Variants in SLC24A2 observed in about 807,000 individuals in gnomAD.
SLC24A2 encodes sodium/potassium/calcium exchanger 2.
SLC24A2 carries 36 observed loss-of-function variants against 62.0 expected under a neutral mutation model. The observed-to-expected ratio is 0.58, with a 90% CI of 0.44 to 0.77. SLC24A2 has a LOEUF of 0.77. SLC24A2 is among the 30% of genes least tolerant of loss of function. The pLI is 0.00. For missense variants in SLC24A2, 846 were observed against 817.9 expected, an observed-to-expected ratio of 1.03 and a Z score of -0.42; for synonymous variants, 358 against 294.0, an observed-to-expected ratio of 1.22 and a Z score of -2.23.
chr9:20,009,367 A>T, the SLC24A2 span, among the ~76,000 whole-genome samples: 3 of 147,352 alleles, frequency 2.0e-5, no homozygotes, highest in Non-Finnish European at 4.4e-5. Flanking sequence ...CCTGGGTGAC[A>T]GACTGAACTC....
intron 9 of SLC24A2, among the ~76,000 whole-genome samples, chr9:19,525,489 C>T (rs1833404345): frequency 6.9e-6 from 1 of 145,666 alleles, no homozygotes. Context: ...TTGCAGCCTT[C>T]ACCTCCTGGG....
chr9:20,263,436 A>T, the SLC24A2 span, among the ~76,000 whole-genome samples: 1 of 152,036 alleles, frequency 6.6e-6, no homozygotes, highest in South Asian at 2.1e-4. Context: ...TTTTGTAGAG[A>T]CTGGGTCTTA....
At chr9:20,175,875 G>C in the SLC24A2 span, among the ~76,000 whole-genome samples, 1 of 152,054 alleles carries the variant, frequency 6.6e-6, no homozygotes, top group Non-Finnish European at 1.5e-5. Context: ...ATGGAGGGAT[G>C]AATTAATTAG....
the SLC24A2 span, among the ~76,000 whole-genome samples, chr9:20,229,058 T>C: frequency 1.3e-5 from 2 of 152,168 alleles, no homozygotes; most frequent in Non-Finnish European, 2.9e-5. Flanking sequence ...ATTTCTCTTT[T>C]GCTGCCTTGT....
chr9:20,250,787 T>C, the SLC24A2 span, among the ~76,000 whole-genome samples: 4 of 152,186 alleles, frequency 2.6e-5, no homozygotes, highest in East Asian at 7.7e-4. Flanking sequence ...TTCCCAATTA[T>C]TTAATACTAT....
chr9:20,266,058 G>A, the SLC24A2 span, among the ~76,000 whole-genome samples: 34 of 152,240 alleles, frequency 2.2e-4, no homozygotes, highest in African/African-American at 7.2e-4. Context: ...ATGACAATGC[G>A]TGCCCGAAAC....
At chr9:19,520,522 C>T (rs897661274) in intron 10 of SLC24A2, among the ~76,000 whole-genome samples, 23 of 152,186 alleles carry the variant, frequency 1.5e-4, no homozygotes, top group Admixed American at 3.9e-4. Context: ...AAATCCAAAT[C>T]TCACCTTAGG....
chr9:20,155,607 A>T, the SLC24A2 span, among the ~76,000 whole-genome samples: 6 of 151,852 alleles, frequency 4.0e-5, no homozygotes, highest in Admixed American at 2.6e-4. Flanking sequence ...TAAACATTTT[A>T]AAAATCATAC....
At chr9:20,223,877 G>A in the SLC24A2 span, among the ~76,000 whole-genome samples, 4 of 152,050 alleles carry the variant, frequency 2.6e-5, no homozygotes, top group South Asian at 4.1e-4. Flanking sequence ...GAAGCTTAAC[G>A]GATTTACAGT....
At chr9:19,959,791 G>C in the SLC24A2 span, among the ~76,000 whole-genome samples, 1 of 152,102 alleles carries the variant, frequency 6.6e-6, no homozygotes, top group East Asian at 1.9e-4. Flanking sequence ...TACTGTGCTG[G>C]GTAGTGTGTT....
At chr9:20,275,726 A>G in the SLC24A2 span, among the ~76,000 whole-genome samples, 2 of 152,196 alleles carry the variant, frequency 1.3e-5, no homozygotes, top group African/African-American at 4.8e-5. Flanking sequence ...GAAATGCCCA[A>G]GACTGGGTAA....
intron 7 of SLC24A2, among the ~76,000 whole-genome samples, chr9:19,566,106 T>C (rs1295078150): frequency 2.0e-5 from 3 of 152,088 alleles, no homozygotes; most frequent in Non-Finnish European, 4.4e-5. Flanking sequence ...GAAGTCAAAA[T>C]TGACAAATGG....
chr9:20,020,166 T>C, the SLC24A2 span, among the ~76,000 whole-genome samples: 4 of 152,224 alleles, frequency 2.6e-5, no homozygotes, highest in South Asian at 4.1e-4. Context: ...AGTGTGGCTA[T>C]TCCTCAAGGA....
the SLC24A2 span, among the ~76,000 whole-genome samples, chr9:19,970,297 G>A: frequency 1.3e-5 from 2 of 152,192 alleles, no homozygotes; most frequent in African/African-American, 4.8e-5. Context: ...TTAACTGATA[G>A]CAGGGGGAGT....
the SLC24A2 span, among the ~76,000 whole-genome samples, chr9:19,955,985 T>C: frequency 7.0e-4 from 106 of 152,364 alleles, no homozygotes; most frequent in Middle Eastern, 0.01. Context: ...GTGTTTGCTC[T>C]GTGTAATGCA....
At chr9:20,127,338 T>A in the SLC24A2 span, among the ~76,000 whole-genome samples, 1 of 152,194 alleles carries the variant, frequency 6.6e-6, no homozygotes. Flanking sequence ...AACTTTAGTT[T>A]AACCTTTTCT....
the SLC24A2 span, among the ~76,000 whole-genome samples, chr9:20,046,748 G>C: frequency 6.6e-6 from 1 of 152,102 alleles, no homozygotes; most frequent in African/African-American, 2.4e-5. Context: ...TTTCACAGTG[G>C]CCCTTACTCA....
chr9:20,037,104 G>T, the SLC24A2 span, among the ~76,000 whole-genome samples: 41 of 152,010 alleles, frequency 2.7e-4, no homozygotes, highest in African/African-American at 9.9e-4. Flanking sequence ...CCCCATGTTG[G>T]CCAGGCTGGT....
chr9:20,091,957 T>C, the SLC24A2 span, among the ~76,000 whole-genome samples: 4 of 152,224 alleles, frequency 2.6e-5, no homozygotes, highest in Non-Finnish European at 5.9e-5. Flanking sequence ...TGGATGGAGC[T>C]GGAGGACATT....
Sources: gnomAD v4.1 joint callset for allele counts (sites outside exome capture counted in the v4.1 genomes callset) on GRCh38, gnomAD v4.1.1 for gene constraint, MANE v1.5 for transcripts, NCBI Gene and HGNC (gene_info 2026-07-23, HGNC 2026-07-21) for gene names.